The following GLCE variants were observed in gnomAD, a reference collection of about 807,000 sequenced individuals.
GLCE encodes the protein glucuronic acid epimerase.
A neutral mutation model predicts 47.9 loss-of-function variants in GLCE; 19 were observed. The ratio of observed to expected loss-of-function variants is 0.40; its 90% confidence interval spans 0.28 to 0.58. GLCE has a LOEUF of 0.58. Among genes scored for constraint, GLCE ranks in the 20% least tolerant of loss-of-function variants. The pLI, the probability that GLCE is intolerant of heterozygous loss-of-function variation, is 0.48. For missense variants in GLCE, 556 were observed against 743.3 expected (o/e 0.75, Z 2.93); for synonymous variants, 245 against 263.4 (o/e 0.93, Z 0.68).
At chr15:69,266,244 A>T (rs562120054) in intron 4 of GLCE, among the ~76,000 whole-genome samples, 1 of 152,322 alleles carries the variant, frequency 6.6e-6, no homozygotes, top group East Asian at 1.9e-4. Flanking sequence ...ATACTGCTTG[A>T]GTCCAGTGTT....
chr15:69,197,421 T>G (rs764528315), intron 1 of GLCE: 105 of 200,404 alleles, frequency 5.2e-4, no homozygotes, highest in Non-Finnish European at 1.0e-3. Context: ...TTGATTGTAA[T>G]GTTTCCTATT....
At chr15:69,182,771 C>T (rs904066672) in intron 1 of GLCE, among the ~76,000 whole-genome samples, 1 of 151,926 alleles carries the variant, frequency 6.6e-6, no homozygotes, top group Admixed American at 6.6e-5. Context: ...CCTAGCACTT[C>T]GGGAGGCTGA....
chr15:69,223,744 T>G (rs2052408239), intron 2 of GLCE, among the ~76,000 whole-genome samples: 1 of 152,174 alleles, frequency 6.6e-6, no homozygotes, highest in African/African-American at 2.4e-5. Context: ...ATCTCTTAGA[T>G]TCTCTTCATT....
At position 69,209,284 on chromosome 15, in the gene GLCE, A is replaced by G. The variant is rs146359215; in HGVS notation, c.-104-1032A>G. Among the ~76,000 whole-genome samples, 371 of 152,100 alleles carry G rather than the reference A, an allele frequency of 2.4e-3. 2 individuals carry two copies. The highest frequency in any genetic ancestry group is 4.3e-3 in the Non-Finnish European group (289 of 67,964). ...TTGATGTTAGTATTTTTCCTGTGCA[A>G]GTTGAGTTTTTTTGATTCCTTGTAT... On this transcript the variant is annotated intron_variant, in intron 1 of 4. Transcript: ENST00000261858.
intron 3 of GLCE, among the ~76,000 whole-genome samples, chr15:69,258,498 A>T (rs769291953): frequency 7.9e-5 from 12 of 152,202 alleles, no homozygotes; most frequent in Admixed American, 7.9e-4. Flanking sequence ...AGGACATGCC[A>T]TGATATATGT....
chr15:69,183,591 C>T (rs538482643), intron 1 of GLCE, among the ~76,000 whole-genome samples: 46 of 152,308 alleles, frequency 3.0e-4, no homozygotes, highest in African/African-American at 1.0e-3. Context: ...CTAATCAATG[C>T]TATTTCTGTA....
At chr15:69,234,527 GATATAT>G (rs200555284) in intron 2 of GLCE, among the ~76,000 whole-genome samples, 2 of 151,606 alleles carry the variant, frequency 1.3e-5, no homozygotes, top group East Asian at 3.9e-4. Flanking sequence ...AAAATGTATT[GATATAT>G]ATATATGGAA....
chr15:69,239,250 T>G (rs2052633254), intron 2 of GLCE, among the ~76,000 whole-genome samples: 1 of 152,190 alleles, frequency 6.6e-6, no homozygotes, highest in South Asian at 2.1e-4. Context: ...TACTGAGAGA[T>G]GTGCTGTTTT....
At chr15:69,265,794 A>G (rs761478927) in intron 4 of GLCE, among the ~76,000 whole-genome samples, 4 of 152,200 alleles carry the variant, frequency 2.6e-5, no homozygotes, top group African/African-American at 9.6e-5. Context: ...GCTTCCTCAC[A>G]CTTGGACTTC....
intron 1 of GLCE, among the ~76,000 whole-genome samples, chr15:69,207,028 C>T (rs752589458): frequency 2.6e-5 from 4 of 152,024 alleles, no homozygotes; most frequent in African/African-American, 7.2e-5. Flanking sequence ...TAGGCTTCCC[C>T]ACTTTGCTTA....
At chr15:69,264,232 A>T (rs1566973340) in intron 4 of GLCE, among the ~76,000 whole-genome samples, 1 of 139,352 alleles carries the variant, frequency 7.2e-6, no homozygotes, top group Non-Finnish European at 1.5e-5. Flanking sequence ...GGAGGTCCAC[A>T]TATAAGTGAG....
intron 1 of GLCE, among the ~76,000 whole-genome samples, chr15:69,166,199 A>G (rs578028847): frequency 2.6e-5 from 4 of 152,330 alleles, no homozygotes; most frequent in African/African-American, 9.6e-5. Context: ...ATTGCTTTAC[A>G]TACATTGCCA....
intron 1 of GLCE, among the ~76,000 whole-genome samples, chr15:69,190,597 A>G (rs1051269148): frequency 1.3e-5 from 2 of 152,150 alleles, no homozygotes; most frequent in Non-Finnish European, 2.9e-5. Context: ...TAGATACTCT[A>G]GCTCTCCTTT....
intron 1 of GLCE, among the ~76,000 whole-genome samples, chr15:69,191,744 AG>A (rs2051916474): frequency 6.6e-6 from 1 of 152,164 alleles, no homozygotes; most frequent in African/African-American, 2.4e-5. Flanking sequence ...AGGGAATGTC[AG>A]GAACCCTTTT....
At chr15:69,204,719 C>T (rs1486414510) in intron 1 of GLCE, among the ~76,000 whole-genome samples, 1 of 152,100 alleles carries the variant, frequency 6.6e-6, no homozygotes, top group Non-Finnish European at 1.5e-5. Context: ...AATGAAAGTT[C>T]TTTTATGATA....
chr15:69,192,382 TA>T (rs1353671845), intron 1 of GLCE, among the ~76,000 whole-genome samples: 1 of 152,042 alleles, frequency 6.6e-6, no homozygotes, highest in Non-Finnish European at 1.5e-5. Flanking sequence ...AGTATTTTTT[TA>T]TATGTAGAAG....
chr15:69,164,466 T>C (rs2051473303), intron 1 of GLCE, among the ~76,000 whole-genome samples: 1 of 150,836 alleles, frequency 6.6e-6, no homozygotes, highest in African/African-American at 2.4e-5. Context: ...ATTTTATATA[T>C]AATATATACT....
At chr15:69,214,997 G>T (rs1011977686) in intron 2 of GLCE, among the ~76,000 whole-genome samples, 2 of 152,098 alleles carry the variant, frequency 1.3e-5, no homozygotes, top group African/African-American at 4.8e-5. Flanking sequence ...TCAATCTACT[G>T]TGCCATTTCA....
intron 1 of GLCE, among the ~76,000 whole-genome samples, chr15:69,203,394 A>G (rs2052103359): frequency 2.0e-5 from 3 of 152,144 alleles, no homozygotes; most frequent in Admixed American, 1.3e-4. Context: ...TGACAGGTGC[A>G]GTGCATCTTT....
Sources: allele counts gnomAD v4.1 joint callset (sites outside exome capture counted in the v4.1 genomes callset), GRCh38; gene constraint gnomAD v4.1.1; transcripts MANE v1.5; gene names NCBI Gene and HGNC (gene_info 2026-07-23, HGNC 2026-07-21).